PARD3: variants seen among roughly 807,000 people sequenced by gnomAD.
PARD3 encodes the protein par-3 family cell polarity regulator.
In PARD3, 75 loss-of-function variants were observed where a neutral mutation model predicts 155.4. The ratio of observed to expected loss-of-function variants is 0.48; its 90% CI spans 0.40 to 0.58. PARD3 has a LOEUF of 0.58. Among genes scored for constraint, PARD3 ranks in the 20% least tolerant of loss-of-function variants. The pLI, the probability that PARD3 is intolerant of heterozygous loss-of-function variation, is 0.00. For missense variants in PARD3, 1,642 were observed against 1,721.7 expected, an observed-to-expected ratio of 0.95 and a Z score of 0.82; for synonymous variants, 576 against 610.5, an observed-to-expected ratio of 0.94 and a Z score of 0.83.
intron 20 of PARD3, among the ~76,000 whole-genome samples, chr10:34,292,320 A>C (rs1414410639): frequency 6.6e-6 from 1 of 152,234 alleles, no homozygotes; most frequent in Non-Finnish European, 1.5e-5. Context: ...CTTCCTGTAC[A>C]GGATCTTACA....
chr10:34,700,026 T>C (rs2094244833), intron 1 of PARD3, among the ~76,000 whole-genome samples: 1 of 152,100 alleles, frequency 6.6e-6, no homozygotes, highest in Non-Finnish European at 1.5e-5. Context: ...TCAGGATATG[T>C]CCATTTAAAA....
At chr10:34,297,689 G>C (rs1956970258) in intron 20 of PARD3, among the ~76,000 whole-genome samples, 1 of 152,188 alleles carries the variant, frequency 6.6e-6, no homozygotes, top group Non-Finnish European at 1.5e-5. Flanking sequence ...GTCTTGGCCA[G>C]CACAATAAAG....
chr10:34,124,832 G>T (rs1482609427), intron 23 of PARD3, among the ~76,000 whole-genome samples: 1 of 152,110 alleles, frequency 6.6e-6, no homozygotes, highest in Non-Finnish European at 1.5e-5. Context: ...AAATAAAAAG[G>T]TTGCTCTACA....
At chr10:34,152,553 C>T (rs1948826529) in intron 22 of PARD3, among the ~76,000 whole-genome samples, 1 of 152,174 alleles carries the variant, frequency 6.6e-6, no homozygotes, top group Non-Finnish European at 1.5e-5. Flanking sequence ...CATTGACTGA[C>T]ATGTGGTTAT....
intron 7 of PARD3, among the ~76,000 whole-genome samples, chr10:34,387,565 C>A (rs1842474115): frequency 6.6e-6 from 1 of 152,074 alleles, no homozygotes; most frequent in Admixed American, 6.6e-5. Context: ...GAGGTGTGTG[C>A]CACGACCCCT....
At chr10:34,230,828 G>C (rs1217019628) in intron 22 of PARD3, among the ~76,000 whole-genome samples, 1 of 152,096 alleles carries the variant, frequency 6.6e-6, no homozygotes, top group Admixed American at 6.5e-5. Flanking sequence ...AGGAGTTTGA[G>C]AGCAGCCTGG....
intron 5 of PARD3, among the ~76,000 whole-genome samples, chr10:34,440,103 G>A (rs1291237751): frequency 1.3e-5 from 2 of 152,030 alleles, no homozygotes; most frequent in East Asian, 3.9e-4. Flanking sequence ...GAAGGTAACT[G>A]GGAAAGTCCT....
At chr10:34,645,941 T>G (rs1048919255) in intron 2 of PARD3, among the ~76,000 whole-genome samples, 1 of 152,140 alleles carries the variant, frequency 6.6e-6, no homozygotes, top group South Asian at 2.1e-4. Flanking sequence ...GAAAAGAAAA[T>G]CTCTTTAACT....
At position 34,165,918 on chromosome 10, in the gene PARD3, GACA is replaced by G. The variant is rs138949632; in HGVS notation, c.3420-34338_3420-34336del. 1.4e-3 allele frequency among the ~76,000 whole-genome samples: 210 copies of G among 152,202 alleles called. 1 individual carries two copies. The highest frequency in any genetic ancestry group is 4.6e-3 in the African/African-American group (193 of 41,534). ...GGTAAGTGTTTCACCTGAATATGTT[GACA>G]ACATTTTGAAATATACATATACAAG... On this transcript the variant is annotated intron_variant, in intron 22 of 24. Coordinates refer to ENST00000374788, the MANE Select transcript of PARD3 (RefSeq NM_001184785.2).
intron 2 of PARD3, among the ~76,000 whole-genome samples, chr10:34,616,723 T>G (rs2091280388): frequency 6.6e-6 from 1 of 151,986 alleles, no homozygotes; most frequent in South Asian, 2.1e-4. Context: ...GAGGACTGCT[T>G]CAGCCCAGGA....
intron 2 of PARD3, among the ~76,000 whole-genome samples, chr10:34,542,234 T>TGTGTGTGTGTGTGTGTGTGCGCAC (rs143582528): frequency 6.8e-6 from 1 of 146,198 alleles, no homozygotes; most frequent in African/African-American, 2.5e-5. Flanking sequence ...TGTGTGTGTG[T>TGTGTGTGTGTGTGTGTGTGCGCAC]GTGTGCACAC....
intron 14 of PARD3, among the ~76,000 whole-genome samples, chr10:34,353,191 C>A (rs1297350539): frequency 1.3e-5 from 2 of 152,208 alleles, no homozygotes; most frequent in Non-Finnish European, 2.9e-5. Flanking sequence ...GCGCGTCTGC[C>A]TGGGCGCCAC....
intron 5 of PARD3, among the ~76,000 whole-genome samples, chr10:34,434,723 T>C (rs772552078): frequency 1.3e-5 from 2 of 152,068 alleles, no homozygotes; most frequent in Non-Finnish European, 2.9e-5. Flanking sequence ...ATGAATGAAT[T>C]TAAAAATACA....
intron 20 of PARD3, among the ~76,000 whole-genome samples, chr10:34,316,358 T>C (rs80063971): frequency 0.012 from 1,800 of 152,312 alleles, 12 homozygotes; most frequent in Non-Finnish European, 0.018. Context: ...TTGTCACTTT[T>C]ATTGTATGGC....
chr10:34,179,701 C>T (rs1355454383), intron 22 of PARD3, among the ~76,000 whole-genome samples: 1 of 152,166 alleles, frequency 6.6e-6, no homozygotes, highest in Non-Finnish European at 1.5e-5. Context: ...AGCGAAGCTA[C>T]ACAACATGCA....
rs1277572256 is a variant in PARD3, at chr10:34,792,052, G to A, written c.120+22824C>T. 7.2e-5 allele frequency among the ~76,000 whole-genome samples: 11 copies of A among 152,190 alleles called. No homozygotes were observed. In the East Asian group the frequency reaches 1.7e-3, roughly 24 times the overall value. On this transcript the variant is annotated intron_variant, in intron 1 of 24. Transcript: ENST00000374788. ...CCAGGATGCATCACGTGCTCGCCTC[G>A]TGACATGCGCCCAGGTGCTCGCTTG...
chr10:34,666,789 A>AAAAAAAAAAG (rs2093484309), intron 2 of PARD3, among the ~76,000 whole-genome samples: 1 of 101,554 alleles, frequency 9.8e-6, no homozygotes, highest in Admixed American at 9.8e-5. Flanking sequence ...AAAAAAAAAA[A>AAAAAAAAAAG]AAAAAAAATA....
chr10:34,752,460 C>T (rs1208217768), intron 1 of PARD3, among the ~76,000 whole-genome samples: 1 of 151,394 alleles, frequency 6.6e-6, no homozygotes, highest in East Asian at 1.9e-4. Context: ...CACAGTCAGC[C>T]TTTTATATTA....
At chr10:34,640,046 T>C (rs1247994248) in intron 2 of PARD3, among the ~76,000 whole-genome samples, 1 of 152,192 alleles carries the variant, frequency 6.6e-6, no homozygotes, top group Non-Finnish European at 1.5e-5. Context: ...AGATTCTATA[T>C]TCAGAACAGA....
Sources: allele counts gnomAD v4.1 joint callset (sites outside exome capture counted in the v4.1 genomes callset), GRCh38; gene constraint gnomAD v4.1.1; transcripts MANE v1.5; gene names NCBI Gene and HGNC (gene_info 2026-07-23, HGNC 2026-07-21).